PRKG1: variants seen among roughly 807,000 people sequenced by gnomAD.
The protein encoded by PRKG1 is protein kinase cGMP-dependent 1.
Under a neutral mutation model 88.1 loss-of-function variants are expected in PRKG1, and 35 were observed. The observed-to-expected ratio is 0.40, with a 90% CI of 0.30 to 0.53. The LOEUF (loss-of-function observed/expected upper bound fraction) is 0.53, where lower values mean the gene tolerates loss of function less well. Among genes scored for constraint, PRKG1 ranks in the 20% least tolerant of loss-of-function variants. PRKG1 has a pLI of 0.59. For synonymous variants in PRKG1, 303 were observed against 292.5 expected (o/e 1.04, Z -0.37); for missense variants, 540 against 839.8 (o/e 0.64, Z 4.41).
intron 9 of PRKG1, among the ~76,000 whole-genome samples, chr10:52,166,430 A>ATTT (rs71032627): frequency 1.2e-4 from 13 of 105,652 alleles, no homozygotes; most frequent in Non-Finnish European, 2.0e-4. Context: ...TTTGAATATA[A>ATTT]TTTTTTTTTT....
intron 2 of PRKG1, among the ~76,000 whole-genome samples, chr10:51,450,663 C>G (rs1839408170): frequency 6.6e-6 from 1 of 151,768 alleles, no homozygotes; most frequent in African/African-American, 2.4e-5. Flanking sequence ...AAAATACAAA[C>G]TAATAAACAG....
At chr10:51,881,260 T>A (rs957821278) in intron 4 of PRKG1, among the ~76,000 whole-genome samples, 2 of 152,222 alleles carry the variant, frequency 1.3e-5, no homozygotes, top group Admixed American at 6.5e-5. Context: ...TACTGAGGTA[T>A]AACAAGCTAA....
intron 5 of PRKG1, among the ~76,000 whole-genome samples, chr10:51,965,435 C>A (rs867409821): frequency 6.6e-6 from 1 of 152,130 alleles, no homozygotes; most frequent in Admixed American, 6.6e-5. Context: ...ATGGAAAGCT[C>A]AAATTGTATG....
At chr10:51,111,381 A>C (rs1844975659) in intron 1 of PRKG1, among the ~76,000 whole-genome samples, 1 of 152,178 alleles carries the variant, frequency 6.6e-6, no homozygotes, top group Non-Finnish European at 1.5e-5. Flanking sequence ...AGAATGGGGT[A>C]TCCATCCCCT....
chr10:52,028,080 C>T (rs139398501), intron 5 of PRKG1, among the ~76,000 whole-genome samples: 1,958 of 152,188 alleles, frequency 0.013, 46 homozygotes, highest in African/African-American at 0.044. Flanking sequence ...TGAGCCACTG[C>T]GCCCAGCCCG....
At chr10:52,244,660 A>G (rs1840957482) in intron 9 of PRKG1, among the ~76,000 whole-genome samples, 1 of 135,362 alleles carries the variant, frequency 7.4e-6, no homozygotes, top group Admixed American at 8.0e-5. Flanking sequence ...TGACAGAAGT[A>G]AATAAAATAT....
chr10:51,266,154 T>G (rs10996438), intron 2 of PRKG1, among the ~76,000 whole-genome samples: 17,300 of 152,060 alleles, frequency 0.11, 1,360 homozygotes, highest in African/African-American at 0.22. Context: ...TAGTGGAAGA[T>G]GAGGTTGGGA....
chr10:52,041,118 T>A (rs1845746720), intron 5 of PRKG1, among the ~76,000 whole-genome samples: 1 of 152,126 alleles, frequency 6.6e-6, no homozygotes, highest in Non-Finnish European at 1.5e-5. Context: ...AGATTACAGG[T>A]CTGAGTCACC....
At chr10:51,982,747 G>T (rs1844043628) in intron 5 of PRKG1, among the ~76,000 whole-genome samples, 2 of 152,174 alleles carry the variant, frequency 1.3e-5, no homozygotes, top group Admixed American at 1.3e-4. Context: ...GTCAGCAAAA[G>T]TGTTTTATAG....
intron 2 of PRKG1, among the ~76,000 whole-genome samples, chr10:51,192,348 T>C (rs1265934297): frequency 6.6e-6 from 1 of 151,914 alleles, no homozygotes; most frequent in Non-Finnish European, 1.5e-5. Flanking sequence ...ATTTTTCTTA[T>C]CTGTAAAATA....
At chr10:51,710,155 G>A (rs1036947986) in intron 3 of PRKG1, among the ~76,000 whole-genome samples, 9 of 152,110 alleles carry the variant, frequency 5.9e-5, no homozygotes, top group African/African-American at 2.2e-4. Context: ...TTACACTGAG[G>A]ATTTATGGTG....
At chr10:51,124,305 G>A (rs1312057506) in intron 1 of PRKG1, among the ~76,000 whole-genome samples, 1 of 152,162 alleles carries the variant, frequency 6.6e-6, no homozygotes, top group Non-Finnish European at 1.5e-5. Flanking sequence ...CAAATTTGAC[G>A]TAATTATTAT....
intron 3 of PRKG1, among the ~76,000 whole-genome samples, chr10:51,729,143 G>A (rs1313841961): frequency 1.3e-5 from 2 of 152,112 alleles, no homozygotes; most frequent in Non-Finnish European, 2.9e-5. Context: ...GATTCAGATG[G>A]TATAGGATTC....
At chr10:51,296,855 G>A (rs1409947652) in intron 2 of PRKG1, among the ~76,000 whole-genome samples, 4 of 151,808 alleles carry the variant, frequency 2.6e-5, no homozygotes, top group South Asian at 2.1e-4. Context: ...TTACATTGCC[G>A]CCTCTGCTTT....
chr10:51,272,053 A>G (rs1839993236), intron 2 of PRKG1, among the ~76,000 whole-genome samples: 1 of 152,124 alleles, frequency 6.6e-6, no homozygotes, highest in Admixed American at 6.5e-5. Flanking sequence ...AAGGGTTCCT[A>G]TTTCTCCACA....
intron 3 of PRKG1, among the ~76,000 whole-genome samples, chr10:51,651,027 C>T (rs1304819944): frequency 6.6e-6 from 1 of 152,182 alleles, no homozygotes; most frequent in Non-Finnish European, 1.5e-5. Flanking sequence ...CAGGCTGGAG[C>T]AAGAGATGTT....
intron 9 of PRKG1, among the ~76,000 whole-genome samples, chr10:52,222,641 A>C (rs77397272): frequency 0.015 from 2,241 of 152,310 alleles, 26 homozygotes; most frequent in Middle Eastern, 0.031. Flanking sequence ...CTTACAAATC[A>C]TGTGACCTTG....
At chr10:51,354,204 A>C (rs977465931) in intron 2 of PRKG1, among the ~76,000 whole-genome samples, 1 of 152,060 alleles carries the variant, frequency 6.6e-6, no homozygotes, top group Non-Finnish European at 1.5e-5. Context: ...GGGCACAAAA[A>C]AAAAAATTAG....
At chr10:51,633,610 T>C (rs1160769665) in intron 3 of PRKG1, among the ~76,000 whole-genome samples, 1 of 152,136 alleles carries the variant, frequency 6.6e-6, no homozygotes, top group Non-Finnish European at 1.5e-5. Context: ...ATTATGGGGA[T>C]AGAAGAGATT....
Sources: gnomAD v4.1 joint callset for allele counts (sites outside exome capture counted in the v4.1 genomes callset) on GRCh38, gnomAD v4.1.1 for gene constraint, MANE v1.5 for transcripts, NCBI Gene and HGNC (gene_info 2026-07-23, HGNC 2026-07-21) for gene names.